The following PTCHD4 variants were observed in gnomAD, a reference collection of about 807,000 sequenced individuals.
PTCHD4 encodes patched domain-containing protein 4.
In PTCHD4, 33 loss-of-function variants were observed where a neutral mutation model predicts 58.1. The observed-to-expected ratio is 0.57, with a 90% confidence interval of 0.43 to 0.76. The LOEUF (loss-of-function observed/expected upper bound fraction) is 0.76. PTCHD4 is among the 30% of genes least tolerant of loss of function. PTCHD4 has a pLI of 0.00. For missense variants in PTCHD4, 1,058 were observed against 1,027.1 expected (o/e 1.03, Z -0.41); for synonymous variants, 478 against 409.6 (o/e 1.17, Z -2.02).
intron 4 of PTCHD4, chr6:47,901,507 A>G (rs1764701492): frequency 1.0e-6 from 1 of 983,398 alleles, no homozygotes; most frequent in Non-Finnish European, 1.2e-6. Context: ...GTATTTAGGA[A>G]AGTACCTATA....
chr6:47,927,938 G>T (rs887432481), intron 4 of PTCHD4, among the ~76,000 whole-genome samples: 2 of 151,566 alleles, frequency 1.3e-5, no homozygotes, highest in Non-Finnish European at 2.9e-5. Context: ...CTTATTTTTT[G>T]ATCTCATATG....
rs1763895231 is a variant in PTCHD4, at chr6:47,878,086, T to G, written c.*217A>C. 1 of 435,046 alleles carries G rather than the reference T, an allele frequency of 2.3e-6. No individual in the cohort carries two copies. The highest frequency in any genetic ancestry group is 4.1e-6 in the Non-Finnish European group (1 of 246,826). 26.9% of individuals were successfully genotyped at this position (435,046 alleles called of 1,614,324 possible). A position where few individuals can be genotyped will look rare whatever the true frequency, so the allele number is the denominator to read the frequency against. ...TCTCAGATTACATCCAGAAACTTGT[T>G]TTTAGAGGAGAACAAGGTTGCAAAT... On this transcript the variant is annotated 3_prime_UTR_variant, in exon 5 of 5. Transcript: ENST00000339488.
intron 1 of PTCHD4, among the ~76,000 whole-genome samples, chr6:48,097,971 G>A (rs746464279): frequency 5.3e-5 from 8 of 152,112 alleles, no homozygotes; most frequent in East Asian, 1.9e-4. Flanking sequence ...AGACTAGGTC[G>A]CTTCCATCAG....
intron 4 of PTCHD4, among the ~76,000 whole-genome samples, chr6:47,965,118 C>T (rs1182155178): frequency 6.6e-6 from 1 of 152,150 alleles, no homozygotes; most frequent in African/African-American, 2.4e-5. Context: ...CCATTCTGTG[C>T]ATTTTTAATT....
chr6:48,068,216 C>A lies in PTCHD4; in HGVS notation c.417+14G>T. The A allele has an allele frequency of 6.5e-7, 1 of 1,547,586 alleles. No homozygotes were observed. The highest frequency in any genetic ancestry group is 8.7e-7 in the Non-Finnish European group (1 of 1,146,416). On this transcript the variant is annotated intron_variant, in intron 3 of 4. Coordinates refer to ENST00000339488, the MANE Select transcript of PTCHD4 (RefSeq NM_001384253.1). This position sits in a 1 kb window ranked among gnomAD's most constrained non-coding sequence, Gnocchi z 4.2. ...CAGATGGGAAAAAGTATAATTATAG[C>A]CCTTGTGGTTCACCTTCATTTCCAG...
At chr6:47,941,191 A>G (rs1243179899) in intron 4 of PTCHD4, among the ~76,000 whole-genome samples, 1 of 152,166 alleles carries the variant, frequency 6.6e-6, no homozygotes, top group African/African-American at 2.4e-5. Context: ...CACCAATGAG[A>G]GACACTTTTG....
At chr6:48,060,357 A>C (rs1764577655) in intron 3 of PTCHD4, among the ~76,000 whole-genome samples, 2 of 152,200 alleles carry the variant, frequency 1.3e-5, no homozygotes, top group African/African-American at 4.8e-5. Flanking sequence ...CTTAACATCC[A>C]AACAAACTTC....
chr6:47,968,824 A>G (rs1285685249), intron 4 of PTCHD4, among the ~76,000 whole-genome samples: 1 of 152,174 alleles, frequency 6.6e-6, no homozygotes, highest in Non-Finnish European at 1.5e-5. Context: ...AATGAGAGAG[A>G]AAGAGGAAAA....
intron 4 of PTCHD4, among the ~76,000 whole-genome samples, chr6:47,916,749 T>A (rs1159170872): frequency 6.6e-6 from 1 of 152,152 alleles, no homozygotes; most frequent in Non-Finnish European, 1.5e-5. Flanking sequence ...TAATGGCTAA[T>A]GGGCCACAAA....
rs1763449380 is a variant in PTCHD4 at position 47,862,305 on chromosome 6, G to A, written c.*15998C>T. 6.6e-6 allele frequency among the ~76,000 whole-genome samples: 1 copy of A among 151,470 alleles called. No homozygotes were observed. The highest frequency in any genetic ancestry group is 1.5e-5 in the Non-Finnish European group (1 of 67,734). ...TAGTAGCTGTGCTGTTGGGACCAAA[G>A]ATCTACTTACAACCATTTTCAACAC... On this transcript the variant is annotated 3_prime_UTR_variant, in exon 5 of 5. Coordinates refer to ENST00000339488, the MANE Select transcript of PTCHD4 (RefSeq NM_001384253.1).
intron 1 of PTCHD4, among the ~76,000 whole-genome samples, chr6:48,105,886 C>A (rs1765708097): frequency 3.9e-5 from 6 of 152,076 alleles, no homozygotes; most frequent in Admixed American, 3.9e-4. Flanking sequence ...TACACTCTCC[C>A]AAGACTAAAC....
At chr6:48,043,370 G>A (rs898457050) in intron 3 of PTCHD4, among the ~76,000 whole-genome samples, 8 of 151,716 alleles carry the variant, frequency 5.3e-5, no homozygotes, top group African/African-American at 1.7e-4. Context: ...AATTACTAGA[G>A]AATTATTATT....
intron 4 of PTCHD4, among the ~76,000 whole-genome samples, chr6:48,003,804 TC>T (rs1768834208): frequency 6.6e-6 from 1 of 152,166 alleles, no homozygotes; most frequent in Non-Finnish European, 1.5e-5. Context: ...CAGACTCTGA[TC>T]CAGACATATT....
At position 47,871,776 on chromosome 6, in the gene PTCHD4, T is replaced by G. The variant is rs1763718622; in HGVS notation, c.*6527A>C. Among the ~76,000 whole-genome samples the G allele has an allele frequency of 6.6e-6, 1 of 151,656 alleles. No individual in the cohort carries two copies. The highest frequency in any genetic ancestry group is 6.6e-5 in the Admixed American group (1 of 15,160). ...GGAGAGATCTCTGCCCTTTTCAATC[T>G]GTGACAGATTTCCTAGTTCAGAGCA... On this transcript the variant is annotated 3_prime_UTR_variant, in exon 5 of 5. Coordinates refer to ENST00000339488, the MANE Select transcript of PTCHD4 (RefSeq NM_001384253.1).
chr6:48,098,732 C>G (rs185010634), intron 1 of PTCHD4, among the ~76,000 whole-genome samples: 86 of 152,264 alleles, frequency 5.6e-4, no homozygotes, highest in Admixed American at 5.6e-3. Context: ...CAGAAAGAGA[C>G]TAATCTTAAC....
chr6:48,062,443 C>G (rs139638818), intron 3 of PTCHD4, among the ~76,000 whole-genome samples: 5 of 151,688 alleles, frequency 3.3e-5, no homozygotes, highest in Non-Finnish European at 7.4e-5. Context: ...ATGGAGAGAA[C>G]GCTTTCTATC....
intron 3 of PTCHD4, among the ~76,000 whole-genome samples, chr6:48,027,638 A>C (rs903603910): frequency 6.6e-6 from 1 of 152,154 alleles, no homozygotes; most frequent in African/African-American, 2.4e-5. Context: ...ATATAAATTA[A>C]AGTTCATAAA....
rs535029245 is a variant in PTCHD4 at position 48,058,716 on chromosome 6, A to G, written c.417+9514T>C. 7.9e-5 allele frequency among the ~76,000 whole-genome samples: 12 copies of G among 152,366 alleles called. No homozygotes were observed. The South Asian group carries it at 2.5e-3, about 32-fold the overall frequency. ...CTATTTAGAATATCATAAAAATACAATCTTGAAAATACTTTCAGACCCAGT... is the reference window on the plus strand; with the variant it reads ...CTATTTAGAATATCATAAAAATACAGTCTTGAAAATACTTTCAGACCCAGT... On this transcript the variant is annotated intron_variant, in intron 3 of 4. Coordinates refer to ENST00000339488, the MANE Select transcript of PTCHD4 (RefSeq NM_001384253.1).
intron 4 of PTCHD4, among the ~76,000 whole-genome samples, chr6:47,898,051 TCTC>T (rs1178095921): frequency 6.8e-6 from 1 of 146,658 alleles, no homozygotes; most frequent in African/African-American, 2.5e-5. Flanking sequence ...TTCAAGCAAT[TCTC>T]CTGCCGCAGC....
Sources: gnomAD v4.1 joint callset for allele counts (sites outside exome capture counted in the v4.1 genomes callset) on GRCh38, gnomAD v4.1.1 for gene constraint, Gnocchi (gnomAD v3.1) non-coding constraint, MANE v1.5 for transcripts, NCBI Gene and HGNC (gene_info 2026-07-23, HGNC 2026-07-21) for gene names.